Variants in PRR5 observed in about 807,000 individuals in gnomAD.
PRR5 encodes the protein proline-rich protein 5.
PRR5 carries 25 observed loss-of-function variants against 30.6 expected under a neutral mutation model. The observed-to-expected ratio is 0.82, with a 90% confidence interval of 0.60 to 1.14. The LOEUF is 1.14. Among genes scored for constraint, PRR5 ranks in the 50% most tolerant of loss-of-function variants. The pLI is 0.00. For missense variants in PRR5, 600 were observed against 547.1 expected, an observed-to-expected ratio of 1.10 and a Z score of -0.96; for synonymous variants, 286 against 247.1, an observed-to-expected ratio of 1.16 and a Z score of -1.48.
At chr22:44,731,009 G>A (rs1242220868) in intron 4 of PRR5, 2 of 377,046 alleles carry the variant, frequency 5.3e-6, no homozygotes, top group East Asian at 1.7e-4. Context: ...CACACAGTAG[G>A]TGTTCTGTGT....
At chr22:44,728,598 G>T (rs1486042075) in intron 4 of PRR5, among the ~76,000 whole-genome samples, 1 of 152,250 alleles carries the variant, frequency 6.6e-6, no homozygotes, top group African/African-American at 2.4e-5. Context: ...GCCTCAAAGT[G>T]TGGTCTGTTC....
chr22:44,719,831 C>T (rs2147105005), intron 2 of PRR5, among the ~76,000 whole-genome samples: 1 of 152,336 alleles, frequency 6.6e-6, no homozygotes, highest in Middle Eastern at 3.4e-3. Context: ...TGCCCAACTC[C>T]AGCACCAAGT....
chr22:44,734,618 C>T (rs1246736379), intron 6 of PRR5: 1 of 179,932 alleles, frequency 5.6e-6, no homozygotes, highest in East Asian at 1.6e-4. Context: ...CTGCACCTGG[C>T]CCCATGGGGC....
At chr22:44,696,836 G>A (rs914559484) in intron 1 of PRR5, among the ~76,000 whole-genome samples, 12 of 152,066 alleles carry the variant, frequency 7.9e-5, no homozygotes, top group African/African-American at 2.4e-4. Context: ...TCCAGGGTTC[G>A]AGCGATTCTC....
chr22:44,704,252 ATCAG>A (rs1395153764), intron 1 of PRR5, among the ~76,000 whole-genome samples: 2 of 152,170 alleles, frequency 1.3e-5, no homozygotes, highest in Non-Finnish European at 2.9e-5. Flanking sequence ...CTCCACAGGA[ATCAG>A]TCAGTTCCTG....
At chr22:44,693,318 C>A (rs1299384410) in intron 1 of PRR5, among the ~76,000 whole-genome samples, 1 of 152,090 alleles carries the variant, frequency 6.6e-6, no homozygotes, top group East Asian at 1.9e-4. Flanking sequence ...ACAAACTAGT[C>A]AGGTGTGGTG....
At chr22:44,711,144 G>A (rs568994838) in intron 1 of PRR5, among the ~76,000 whole-genome samples, 4 of 152,314 alleles carry the variant, frequency 2.6e-5, no homozygotes, top group African/African-American at 7.2e-5. Context: ...GTGCCATGGC[G>A]TTCGCGGGCA....
chr22:44,684,742 G>A (rs970453128), intron 1 of PRR5, among the ~76,000 whole-genome samples: 1 of 152,234 alleles, frequency 6.6e-6, no homozygotes, highest in Non-Finnish European at 1.5e-5. Context: ...CAGAGCACAG[G>A]GCCGGGCTGA....
At chr22:44,699,413 C>T (rs1481954636), upstream of PRR5, among the ~76,000 whole-genome samples, 3 of 152,274 alleles carry the variant, frequency 2.0e-5, no homozygotes, top group East Asian at 5.8e-4. Context: ...ACCATTTCAT[C>T]CCATCCGGAT....
chr22:44,702,286 G>A lies in PRR5; in HGVS notation c.-189G>A. 8.7e-7 allele frequency: 1 copy of A among 1,148,336 alleles called. No homozygotes were observed. Among genetic ancestry groups the A allele is most frequent in the Non-Finnish European group, 1.1e-6 (1 of 931,464 alleles). 71.1% of individuals were successfully genotyped at this position (1,148,336 alleles called of 1,614,324 possible). ...TCTCCGTGCAATGATTAACCCGGCG[G>A]GGCGGCCGGCGCGGGACCCGAGACG... is the stretch of plus-strand genomic sequence containing the variant. On this transcript the variant is annotated 5_prime_UTR_variant, in exon 1 of 8. Transcript: ENST00000336985.
At position 44,732,359 on chromosome 22, in the gene PRR5, C is replaced by G. The variant is rs758503843; in HGVS notation, c.523C>G (p.Pro175Ala). 2.5e-6 allele frequency: 4 copies of G among 1,611,010 alleles called. No individual in the cohort carries two copies. In the East Asian group the frequency reaches 6.7e-5, roughly 27 times the overall value. The change falls in exon 6 of 8, where the codon CCT becomes GCT. Residue 175 changes from proline (P) to alanine (A), a missense_variant. Pro to Ala is a conservative substitution (Grantham distance 27). Coordinates refer to ENST00000336985, the MANE Select transcript of PRR5 (RefSeq NM_181333.4). Reference sequence around the variant, plus strand: ...GGCCCGGGCCCATGCCCGTGTGCCCCCTGCCATCGTGCAGATGCTGCTGGT... The same window carrying G: ...GGCCCGGGCCCATGCCCGTGTGCCCGCTGCCATCGTGCAGATGCTGCTGGT... The part of the protein sequence containing the change: ...ALARAHARVP[P>A]AIVQMLLVLQ...
upstream of PRR5, among the ~76,000 whole-genome samples, chr22:44,676,010 T>C (rs1170692250): frequency 6.6e-6 from 1 of 151,832 alleles, no homozygotes; most frequent in Non-Finnish European, 1.5e-5. Context: ...TGAGCGGGGA[T>C]CCTTAGCTCC....
rs1185513354 is a variant in PRR5, at chr22:44,702,856, C to T, written c.134+248C>T. ...CGCCCGGGGCTGGCCCAGAAGCGCCCGGCGGGTGGGCGGCGGGGTGGGCCG... is the reference window on the plus strand; with the variant it reads ...CGCCCGGGGCTGGCCCAGAAGCGCCTGGCGGGTGGGCGGCGGGGTGGGCCG... On this transcript the variant is annotated intron_variant, in intron 1 of 7. Transcript: ENST00000336985. 3.9e-5 allele frequency among the ~76,000 whole-genome samples: 6 copies of T among 152,322 alleles called. No homozygotes were observed. In the East Asian group the frequency reaches 7.7e-4, roughly 20 times the overall value.
chr22:44,711,242 C>G (rs1161025784), intron 1 of PRR5, among the ~76,000 whole-genome samples: 1 of 152,124 alleles, frequency 6.6e-6, no homozygotes, highest in African/African-American at 2.4e-5. Context: ...TAACCGTAAG[C>G]CAAGTAGACA....
In PRR5 at chr22:44,691,656, C is replaced by T. The variant is rs1301524301; in HGVS notation, c.-10-10836C>T. Among the ~76,000 whole-genome samples the T allele has an allele frequency of 3.9e-5, 6 of 152,152 alleles. No individual in the cohort carries two copies. Among genetic ancestry groups the T allele is most frequent in the South Asian group, 2.1e-4 (1 of 4,832 alleles). ...AGGCGTGGTGGTGCACGCCTGTAAT[C>T]GCAGCTACTCAGGAGGCTGAGGAAG... On this transcript the variant is annotated intron_variant, in intron 1 of 8. Coordinates refer to the PRR5 transcript ENST00000006251. This position sits in a 1 kb window ranked among gnomAD's most constrained non-coding sequence, Gnocchi z 4.4.
chr22:44,676,641 AG>A (rs2146931824), upstream of PRR5, among the ~76,000 whole-genome samples: 1 of 152,040 alleles, frequency 6.6e-6, no homozygotes, highest in South Asian at 2.1e-4. Context: ...GGGCTGTCCA[AG>A]GGGCATAGCA....
At chr22:44,724,684 C>T (rs367547711) in intron 2 of PRR5, among the ~76,000 whole-genome samples, 6 of 152,134 alleles carry the variant, frequency 3.9e-5, no homozygotes, top group Non-Finnish European at 5.9e-5. Context: ...TCAGCTCTGG[C>T]GTGTCCCATG....
At chr22:44,701,538 T>G (rs1288686819), upstream of PRR5, among the ~76,000 whole-genome samples, 1 of 152,270 alleles carries the variant, frequency 6.6e-6, no homozygotes, top group Non-Finnish European at 1.5e-5. Flanking sequence ...CTGCCTTCAC[T>G]GGGATCACTC....
chr22:44,680,883 AG>A (rs1924216517), intron 1 of PRR5, among the ~76,000 whole-genome samples: 1 of 152,218 alleles, frequency 6.6e-6, no homozygotes, highest in Non-Finnish European at 1.5e-5. Flanking sequence ...GGGGCAGGGC[AG>A]GGCAGACCTG....
Sources: allele counts gnomAD v4.1 joint callset (sites outside exome capture counted in the v4.1 genomes callset), GRCh38; gene constraint gnomAD v4.1.1; non-coding constraint Gnocchi (gnomAD v3.1); transcripts MANE v1.5; gene names NCBI Gene and HGNC (gene_info 2026-07-23, HGNC 2026-07-21).